CUX2: variants seen among roughly 807,000 people sequenced by gnomAD.
CUX2 encodes cut like homeobox 2.
CUX2 carries 40 observed loss-of-function variants against 144.8 expected under a neutral mutation model. The ratio of observed to expected loss-of-function variants is 0.28; its 90% confidence interval spans 0.21 to 0.36. CUX2 has a LOEUF of 0.36. Ranked by LOEUF, CUX2 falls within the 10% of genes least tolerant of loss-of-function variation. The pLI is 1.00. For missense variants in CUX2, 1,615 were observed against 1,994.0 expected, an observed-to-expected ratio of 0.81 and a Z score of 3.62; for synonymous variants, 827 against 875.6, an observed-to-expected ratio of 0.94 and a Z score of 0.98.
At chr12:111,301,467 G>A (rs1886290064) in intron 9 of CUX2, among the ~76,000 whole-genome samples, 1 of 152,082 alleles carries the variant, frequency 6.6e-6, no homozygotes, top group Non-Finnish European at 1.5e-5. Context: ...CTGGCTGTTA[G>A]CCTCTGGAAT....
At chr12:111,231,357 CAT>C (rs1882455829) in intron 3 of CUX2, among the ~76,000 whole-genome samples, 1 of 152,222 alleles carries the variant, frequency 6.6e-6, no homozygotes, top group African/African-American at 2.4e-5. Flanking sequence ...AAGGTTCACA[CAT>C]GTGGTATTAC....
chr12:111,064,609 T>C (rs1010670761), intron 1 of CUX2, among the ~76,000 whole-genome samples: 1 of 152,110 alleles, frequency 6.6e-6, no homozygotes, highest in Non-Finnish European at 1.5e-5. Context: ...TTTCAGGGAG[T>C]TGCAAGATTC....
At chr12:111,285,890 G>A (rs1401653687) in intron 4 of CUX2, among the ~76,000 whole-genome samples, 1 of 152,238 alleles carries the variant, frequency 6.6e-6, no homozygotes, top group African/African-American at 2.4e-5. Flanking sequence ...AGTGTGAGAG[G>A]AAGAGGTCTA....
chr12:111,223,504 A>G (rs1258278650), intron 3 of CUX2, among the ~76,000 whole-genome samples: 1 of 152,186 alleles, frequency 6.6e-6, no homozygotes, highest in East Asian at 1.9e-4. Context: ...CCAGTAGAAC[A>G]TGGTGGAGGT....
chr12:111,335,702 A>T (rs571238278), intron 19 of CUX2, among the ~76,000 whole-genome samples: 26 of 152,158 alleles, frequency 1.7e-4, no homozygotes, highest in African/African-American at 6.3e-4. Context: ...GTGAGACTCC[A>T]TCTCCAAAAA....
At chr12:111,072,123 A>G (rs1331229332) in intron 1 of CUX2, among the ~76,000 whole-genome samples, 1 of 152,204 alleles carries the variant, frequency 6.6e-6, no homozygotes, top group African/African-American at 2.4e-5. Flanking sequence ...TATAAACTGT[A>G]GAATCAGTTT....
chr12:111,334,310 G>T, intron 18 of CUX2, 131 bp from the exon 19 acceptor site: 1 of 928,766 alleles, frequency 1.1e-6, no homozygotes, highest in South Asian at 1.8e-5. Flanking sequence ...GTCCCTACCT[G>T]AGCGATTATT....
In CUX2 at chr12:111,310,826, T is replaced by G. The variant is rs1886861155; in HGVS notation, c.1900+144T>G. ...GTGACCCAGGGCCAGTGGCTTTGCC[T>G]GTCTGTGCCTCAGTTTCCCCTCTGT... On this transcript the variant is annotated intron_variant, in intron 15 of 21. Transcript: ENST00000261726. This position sits in a 1 kb window ranked among gnomAD's most constrained non-coding sequence, Gnocchi z 7.9. The G allele has an allele frequency of 2.3e-6, 2 of 880,340 alleles. No individual in the cohort carries two copies. The allele number at this position is 880,340 out of a possible 1,614,324, so 54.5% of individuals were successfully genotyped here.
At position 111,310,225 on chromosome 12, in the gene CUX2, C is replaced by T; in HGVS notation, c.1443C>T (p.Phe481=). 8 of 1,510,668 alleles carry T rather than the reference C, an allele frequency of 5.3e-6. No individual in the cohort carries two copies. In the South Asian group the frequency reaches 6.8e-5, roughly 13 times the overall value. 93.6% of individuals were successfully genotyped at this position (1,510,668 alleles called of 1,614,324 possible). A position where few individuals can be genotyped will look rare whatever the true frequency, so the allele number is the denominator to read the frequency against. Residue 481 remains phenylalanine, a synonymous_variant, in exon 15 of 22, where the codon TTC becomes TTT. Transcript: ENST00000261726. The surrounding 1 kb of genome is among the most constrained non-coding windows in gnomAD (Gnocchi z 7.9). ...CTCGGACTTTCTCGCTGTCCCCCTT[C>T]CCCAGCCTGGCATCAGGGGAGAGAC... ...DGTRTFSLSP[F]PSLASGERLM...
At chr12:111,076,173 C>T (rs548883643) in intron 1 of CUX2, among the ~76,000 whole-genome samples, 29 of 152,312 alleles carry the variant, frequency 1.9e-4, no homozygotes, top group African/African-American at 6.0e-4. Flanking sequence ...GGCAAGTCAG[C>T]ATCATCATTT....
chr12:111,264,253 G>C (rs1279494499), intron 4 of CUX2, among the ~76,000 whole-genome samples: 1 of 152,160 alleles, frequency 6.6e-6, no homozygotes, highest in Non-Finnish European at 1.5e-5. Context: ...CCAAAAATCT[G>C]CTGTTGAGTA....
intron 1 of CUX2, among the ~76,000 whole-genome samples, chr12:111,048,240 G>C (rs375365022): frequency 6.6e-6 from 1 of 152,232 alleles, no homozygotes; most frequent in Non-Finnish European, 1.5e-5. Flanking sequence ...AGCCTGATAG[G>C]AAACATTGAA....
At chr12:111,053,200 C>T (rs116094072) in intron 1 of CUX2, among the ~76,000 whole-genome samples, 4 of 152,324 alleles carry the variant, frequency 2.6e-5, no homozygotes, top group African/African-American at 4.8e-5. Context: ...GGGCCCAGCA[C>T]GGCGCCTGGC....
At chr12:111,258,359 A>G (rs537739517) in intron 3 of CUX2, among the ~76,000 whole-genome samples, 2 of 152,282 alleles carry the variant, frequency 1.3e-5, no homozygotes, top group East Asian at 3.9e-4. Flanking sequence ...CTAAAAGTAT[A>G]AAAATTAGCC....
chr12:111,272,821 C>T lies in CUX2; in HGVS notation c.301+8982C>T, dbSNP rs547990549. Among the ~76,000 whole-genome samples, 11 of 152,268 alleles carry T rather than the reference C, an allele frequency of 7.2e-5. No homozygotes were observed. The East Asian group carries it at 1.9e-3, about 27-fold the overall frequency. On this transcript the variant is annotated intron_variant, in intron 4 of 21. Coordinates refer to ENST00000261726, the MANE Select transcript of CUX2 (RefSeq NM_015267.4). ...TTTCCTGCCACACCTCTGCCCATGC[C>T]GTTTCCTCAGCCAGGAGCACCCTTT...
intron 1 of CUX2, among the ~76,000 whole-genome samples, chr12:111,208,609 C>T (rs1339225880): frequency 3.9e-5 from 6 of 152,082 alleles, no homozygotes; most frequent in Non-Finnish European, 8.8e-5. Context: ...TCTGTGCCTC[C>T]GTTTTCTCAT....
intron 3 of CUX2, among the ~76,000 whole-genome samples, chr12:111,258,342 G>A (rs955692454): frequency 2.0e-5 from 3 of 152,130 alleles, no homozygotes; most frequent in South Asian, 4.1e-4. Context: ...GTGAAACCCC[G>A]TCTCTACTAA....
chr12:111,197,129 G>A (rs1490812429), intron 1 of CUX2, among the ~76,000 whole-genome samples: 1 of 152,138 alleles, frequency 6.6e-6, no homozygotes, highest in Non-Finnish European at 1.5e-5. Context: ...GAGACCTGGG[G>A]CAACTGACCT....
intron 2 of CUX2, among the ~76,000 whole-genome samples, chr12:111,215,445 G>T (rs1217718713): frequency 6.6e-6 from 1 of 152,220 alleles, no homozygotes; most frequent in Non-Finnish European, 1.5e-5. Context: ...TTCAAGGCAA[G>T]AGAAGGGACT....
Sources: gnomAD v4.1 joint callset for allele counts (sites outside exome capture counted in the v4.1 genomes callset) on GRCh38, gnomAD v4.1.1 for gene constraint, Gnocchi (gnomAD v3.1) non-coding constraint, MANE v1.5 for transcripts, NCBI Gene and HGNC (gene_info 2026-07-23, HGNC 2026-07-21) for gene names.